The following FSTL4 variants were observed in gnomAD, a reference collection of about 807,000 sequenced individuals.
The protein encoded by FSTL4 is follistatin-related protein 4.
Under a neutral mutation model 78.2 loss-of-function variants are expected in FSTL4, and 28 were observed. The ratio of observed to expected loss-of-function variants is 0.36; its 90% confidence interval spans 0.27 to 0.49. The LOEUF (loss-of-function observed/expected upper bound fraction) is 0.49. Among genes scored for constraint, FSTL4 ranks in the 20% least tolerant of loss-of-function variants. FSTL4 has a pLI of 0.98. For synonymous variants in FSTL4, 422 were observed against 440.5 expected (o/e 0.96, Z 0.53); for missense variants, 922 against 1,084.9 (o/e 0.85, Z 2.11).
At chr5:133,518,497 G>A (rs1424290178) in intron 3 of FSTL4, among the ~76,000 whole-genome samples, 3 of 152,214 alleles carry the variant, frequency 2.0e-5, no homozygotes, top group Non-Finnish European at 2.9e-5. Flanking sequence ...AAGGACAGGT[G>A]GGGAAGGGGG....
At chr5:133,776,963 GA>G in the FSTL4 span, among the ~76,000 whole-genome samples, 3 of 152,054 alleles carry the variant, frequency 2.0e-5, no homozygotes, top group African/African-American at 7.2e-5. Context: ...TGACCCTCAG[GA>G]GGGCCATGGA....
In FSTL4 at chr5:133,316,509, C is replaced by G. The variant is rs747285076; in HGVS notation, c.553G>C (p.Asp185His). The G allele has an allele frequency of 6.2e-7, 1 of 1,614,164 alleles. No homozygotes were observed. Among genetic ancestry groups the G allele is most frequent in the Non-Finnish European group, 8.5e-7 (1 of 1,180,024 alleles). The change falls in exon 5 of 16, where the codon GAC becomes CAC. Residue 185 changes from aspartate (D) to histidine (H), a missense_variant. Physicochemically the swap from Asp to His is moderately conservative, Grantham distance 81. Coordinates refer to ENST00000265342, the MANE Select transcript of FSTL4 (RefSeq NM_015082.2). Reference sequence around the variant, plus strand: ...TGGCCATTGCCATCTGCATCTAAGTCCCTGAACAGAGATTCCACCAGGAGG... The same window carrying G: ...TGGCCATTGCCATCTGCATCTAAGTGCCTGAACAGAGATTCCACCAGGAGG... ...KRLLVESLFR[D>H]LDADGNGHLS...
the FSTL4 span, among the ~76,000 whole-genome samples, chr5:133,718,837 C>T: frequency 1.3e-5 from 2 of 152,190 alleles, no homozygotes; most frequent in Non-Finnish European, 2.9e-5. Flanking sequence ...AAATGTATTA[C>T]TGCCATTGAA....
chr5:133,826,898 G>A, the FSTL4 span, among the ~76,000 whole-genome samples: 3,430 of 152,284 alleles, frequency 0.023, 137 homozygotes, highest in African/African-American at 0.078. Context: ...CTTTTCTTAG[G>A]ATGTCACCAG....
intron 3 of FSTL4, among the ~76,000 whole-genome samples, chr5:133,525,387 C>T (rs778559953): frequency 6.6e-6 from 1 of 152,162 alleles, no homozygotes; most frequent in Non-Finnish European, 1.5e-5. Flanking sequence ...TCTTTGTTTC[C>T]CACTGAGAAA....
chr5:133,456,783 C>T (rs1044643885), intron 3 of FSTL4, among the ~76,000 whole-genome samples: 1 of 152,122 alleles, frequency 6.6e-6, no homozygotes, highest in Non-Finnish European at 1.5e-5. Flanking sequence ...ATGGTTTTGC[C>T]CCAGCATAGG....
intron 4 of FSTL4, among the ~76,000 whole-genome samples, chr5:133,397,648 C>T (rs1756095429): frequency 1.3e-5 from 2 of 152,176 alleles, no homozygotes; most frequent in African/African-American, 4.8e-5. Context: ...CCCTCCCTGA[C>T]AGGAAATCAG....
At chr5:133,818,463 C>A in the FSTL4 span, among the ~76,000 whole-genome samples, 1 of 152,178 alleles carries the variant, frequency 6.6e-6, no homozygotes, top group African/African-American at 2.4e-5. Context: ...GAGAGGGGAG[C>A]CGGCTGTGTC....
chr5:133,401,243 C>G (rs536216248), intron 3 of FSTL4, among the ~76,000 whole-genome samples: 3 of 152,228 alleles, frequency 2.0e-5, no homozygotes, highest in Non-Finnish European at 4.4e-5. Context: ...AACACAACAC[C>G]TTTCCAACCT....
rs115962983 is a variant in FSTL4, at chr5:133,342,559, C to G, written c.410-25907G>C. On this transcript the variant is annotated intron_variant, in intron 4 of 15. Coordinates refer to ENST00000265342, the MANE Select transcript of FSTL4 (RefSeq NM_015082.2). ...ACATTTGGAGTCGGCCTCTGCCTGTCTGCTCTGGCCAGGGCTGTGTGTCCC... is the reference window on the plus strand; with the variant it reads ...ACATTTGGAGTCGGCCTCTGCCTGTGTGCTCTGGCCAGGGCTGTGTGTCCC... Among the ~76,000 whole-genome samples the G allele has an allele frequency of 4.0e-3, 615 of 152,270 alleles. 8 individuals are homozygous for G. Among genetic ancestry groups the G allele is most frequent in the African/African-American group, 0.014 (584 of 41,552 alleles).
At chr5:133,407,909 C>T (rs1035934452) in intron 3 of FSTL4, among the ~76,000 whole-genome samples, 1 of 152,208 alleles carries the variant, frequency 6.6e-6, no homozygotes, top group Non-Finnish European at 1.5e-5. Flanking sequence ...GCCCACAGTG[C>T]AGACGCTGAT....
At chr5:133,203,805 C>T (rs1581521485) in intron 14 of FSTL4, among the ~76,000 whole-genome samples, 1 of 152,322 alleles carries the variant, frequency 6.6e-6, no homozygotes, top group East Asian at 1.9e-4. Flanking sequence ...CAATGTCATT[C>T]ACGCTTCACT....
the FSTL4 span, among the ~76,000 whole-genome samples, chr5:133,682,647 T>C: frequency 6.6e-6 from 1 of 152,244 alleles, no homozygotes. Flanking sequence ...GCCATGTGAC[T>C]GGGAGTCCTG....
chr5:133,569,640 G>A (rs1760106664), intron 2 of FSTL4, among the ~76,000 whole-genome samples: 1 of 152,086 alleles, frequency 6.6e-6, no homozygotes, highest in Non-Finnish European at 1.5e-5. Context: ...AAATGTGTTG[G>A]ATTTTATCAA....
chr5:133,381,076 T>C (rs1755556250), intron 4 of FSTL4, among the ~76,000 whole-genome samples: 1 of 152,196 alleles, frequency 6.6e-6, no homozygotes, highest in Non-Finnish European at 1.5e-5. Flanking sequence ...CACTGTTGTT[T>C]CCAAGGAAAG....
intron 14 of FSTL4, chr5:133,207,815 TTTTTA>T (rs374130225): frequency 1.6e-4 from 25 of 152,280 alleles, no homozygotes; most frequent in African/African-American, 6.0e-4. Flanking sequence ...CTGGCTAATT[TTTTTA>T]TTTTATTTTT....
rs772650848 is a variant in FSTL4, at chr5:133,199,156, A to G, written c.2468T>C (p.Leu823Pro). The change falls in exon 16 of 16, where the codon CTG (leucine) becomes CCG (proline). Residue 823 changes from leucine (L) to proline (P), a missense_variant. Physicochemically the swap from Leu to Pro is moderately conservative, Grantham distance 98 (BLOSUM62 -3). Coordinates refer to ENST00000265342, the MANE Select transcript of FSTL4 (RefSeq NM_015082.2). This position sits in a 1 kb window ranked among gnomAD's most constrained non-coding sequence, Gnocchi z 4.4. The stretch of plus-strand genomic sequence containing the variant: ...CTTTATACCTGACACCTCACACCGC[A>G]GCGTGTTTTGTCTCCCATTGATGAG... The part of the protein sequence containing the change: ...LFLINGRQNT[L>P]RCEVSGIKGG... 1.9e-6 allele frequency: 3 copies of G among 1,603,628 alleles called. No individual in the cohort carries two copies. In the East Asian group the frequency reaches 6.7e-5, roughly 36 times the overall value.
In FSTL4 at chr5:133,321,612, G is replaced by A. The variant is rs150057145; in HGVS notation, c.410-4960C>T. On this transcript the variant is annotated intron_variant, in intron 4 of 15. Transcript: ENST00000265342. ...TATAATCCTAGCACTTTGGGAGGCC[G>A]AGGCAGGTGGATTACCTGAGGTCAG... is the stretch of plus-strand genomic sequence containing the variant. Among the ~76,000 whole-genome samples the A allele has an allele frequency of 2.5e-3, 385 of 152,334 alleles. 1 individual carries two copies. Among genetic ancestry groups the A allele is most frequent in the African/African-American group, 8.7e-3 (363 of 41,578 alleles).
At chr5:133,456,806 A>C (rs530482459) in intron 3 of FSTL4, among the ~76,000 whole-genome samples, 1 of 152,196 alleles carries the variant, frequency 6.6e-6, no homozygotes, top group African/African-American at 2.4e-5. Flanking sequence ...CGAGCCCCCA[A>C]CTATCTGTGA....
Sources: gnomAD v4.1 joint callset for allele counts (sites outside exome capture counted in the v4.1 genomes callset) on GRCh38, gnomAD v4.1.1 for gene constraint, Gnocchi (gnomAD v3.1) non-coding constraint, MANE v1.5 for transcripts, NCBI Gene and HGNC (gene_info 2026-07-23, HGNC 2026-07-21) for gene names.